Variants in CD86 observed in about 807,000 individuals in gnomAD.
The protein encoded by CD86 is CD86 molecule, also known as T-lymphocyte activation antigen CD86.
A neutral mutation model predicts 32.1 loss-of-function variants in CD86; 11 were observed. The ratio of observed to expected loss-of-function variants is 0.34; its 90% CI spans 0.22 to 0.57. The LOEUF (loss-of-function observed/expected upper bound fraction) is 0.57, where lower values mean the gene tolerates loss of function less well. CD86 is among the 20% of genes least tolerant of loss of function. The pLI is 0.86. For synonymous variants in CD86, 137 were observed against 135.3 expected, an observed-to-expected ratio of 1.01 and a Z score of -0.09; for missense variants, 359 against 398.4, an observed-to-expected ratio of 0.90 and a Z score of 0.84.
At position 122,106,431 on chromosome 3, in the gene CD86, A is replaced by T. The variant is rs1390783023; in HGVS notation, c.634A>T (p.Ser212Cys). The T allele has an allele frequency of 1.2e-6, 2 of 1,614,010 alleles. No individual in the cohort carries two copies. Among genetic ancestry groups the T allele is most frequent in the Non-Finnish European group, 1.7e-6 (2 of 1,179,982 alleles). ...SLSVSFPDVT[S>C]NMTIFCILET... ...GTCTGTTTCATTCCCTGATGTTACG[A>T]GCAATATGACCATCTTCTGTATTCT... Residue 212 changes from serine to cysteine, a missense_variant, in exon 4 of 7, where the codon AGC becomes TGC. Ser to Cys is a moderately radical substitution (Grantham distance 112). Coordinates refer to ENST00000330540, the MANE Select transcript of CD86 (RefSeq NM_175862.5).
intron 1 of CD86, among the ~76,000 whole-genome samples, chr3:122,072,950 G>C (rs1365243050): frequency 6.6e-6 from 1 of 151,850 alleles, no homozygotes; most frequent in East Asian, 1.9e-4. Flanking sequence ...TCTGCATATG[G>C]CTAGCCAGTT....
intron 1 of CD86, among the ~76,000 whole-genome samples, chr3:122,057,743 C>T (rs941842393): frequency 2.0e-5 from 3 of 152,110 alleles, no homozygotes; most frequent in African/African-American, 7.2e-5. Context: ...CTCTTGAATC[C>T]TCTTCAAAAT....
chr3:122,109,258 T>C lies in CD86; in HGVS notation c.704-7T>C, dbSNP rs760472154. The C allele has an allele frequency of 6.2e-7, 1 of 1,611,186 alleles. No homozygotes were observed. Among genetic ancestry groups the C allele is most frequent in the Admixed American group, 1.7e-5 (1 of 59,332 alleles). On this transcript the variant is annotated splice_polypyrimidine_tract_variant and splice_region_variant and intron_variant, in intron 4 of 6. Transcript: ENST00000330540. ...CTGGCTGATTGAAAATTTGTGGTCA[T>C]TTGTAGAGCTTGAGGACCCTCAGCC... is the stretch of plus-strand genomic sequence containing the variant.
intron 1 of CD86, chr3:122,077,891 T>C (rs1430600042): frequency 1.0e-6 from 1 of 985,384 alleles, no homozygotes; most frequent in East Asian, 1.1e-4. Context: ...TGGCATTATT[T>C]CTCTCTCTAC....
At chr3:122,088,972 C>G (rs186950474) in intron 1 of CD86, among the ~76,000 whole-genome samples, 85 of 152,274 alleles carry the variant, frequency 5.6e-4, no homozygotes, top group Admixed American at 3.4e-3. Context: ...GTAGTATGTA[C>G]ATACAGTGGA....
At chr3:122,069,561 C>T (rs981484299) in intron 1 of CD86, among the ~76,000 whole-genome samples, 3 of 152,134 alleles carry the variant, frequency 2.0e-5, no homozygotes, top group African/African-American at 7.2e-5. Context: ...GTAGTCTTGC[C>T]GCTAGACTGT....
chr3:122,111,644 C>G (rs971766075), intron 5 of CD86, among the ~76,000 whole-genome samples: 3 of 152,198 alleles, frequency 2.0e-5, no homozygotes, highest in African/African-American at 7.2e-5. Context: ...CTTCTAGAAG[C>G]TGGAAGTGGC....
intron 2 of CD86, 145 bp from the exon 3 acceptor site, chr3:122,103,367 G>A: frequency 1.6e-6 from 1 of 627,270 alleles, no homozygotes. Context: ...ATGCCAAGCA[G>A]ATGTGCACAG....
intron 2 of CD86, chr3:122,092,040 C>T (rs570996504): frequency 6.1e-6 from 1 of 164,026 alleles, no homozygotes; most frequent in South Asian, 1.9e-4. Flanking sequence ...TTCTGTCTTT[C>T]TCAGGCTCCT....
intron 5 of CD86, among the ~76,000 whole-genome samples, chr3:122,112,031 G>A (rs1454108539): frequency 1.3e-5 from 2 of 152,094 alleles, no homozygotes; most frequent in Non-Finnish European, 2.9e-5. Context: ...TTGTCAAATA[G>A]GGCAGATAAG....
intron 5 of CD86, among the ~76,000 whole-genome samples, chr3:122,111,010 GA>G (rs1435861313): frequency 6.6e-6 from 1 of 152,162 alleles, no homozygotes; most frequent in Non-Finnish European, 1.5e-5. Context: ...AGATAAAGAG[GA>G]TATGTGTGTT....
chr3:122,055,478 G>T lies in CD86; in HGVS notation c.-12G>T. 6.2e-7 allele frequency: 1 copy of T among 1,613,932 alleles called. No homozygotes were observed. The highest frequency in any genetic ancestry group is 8.5e-7 in the Non-Finnish European group (1 of 1,179,778). ...CATTTCCAGATATTAGGTCACAGCAGAAGCAGCCAAAATGGATCCCCAGTG... is the reference window on the plus strand; with the variant it reads ...CATTTCCAGATATTAGGTCACAGCATAAGCAGCCAAAATGGATCCCCAGTG... On this transcript the variant is annotated 5_prime_UTR_variant, in exon 1 of 7. Transcript: ENST00000330540.
At chr3:122,080,274 T>C (rs559124985) in intron 1 of CD86, among the ~76,000 whole-genome samples, 1 of 152,148 alleles carries the variant, frequency 6.6e-6, no homozygotes, top group South Asian at 2.1e-4. Flanking sequence ...CTTTGCATGA[T>C]CCTTACCTTT....
chr3:122,104,720 T>A (rs1398406467), intron 3 of CD86, among the ~76,000 whole-genome samples: 1 of 152,228 alleles, frequency 6.6e-6, no homozygotes, highest in African/African-American at 2.4e-5. Flanking sequence ...TAAGCCTGGC[T>A]TCTTTCGTTT....
chr3:122,107,833 A>G (rs763963611), intron 4 of CD86, among the ~76,000 whole-genome samples: 8 of 152,188 alleles, frequency 5.3e-5, no homozygotes, highest in Non-Finnish European at 8.8e-5. Context: ...AACTGGGCCA[A>G]TCTCATCTCC....
Position 122,055,391 on chromosome 3 carries a change from T to TA in CD86, c.-99_-98insA. The TA allele has an allele frequency of 8.2e-7, 1 of 1,216,696 alleles. No homozygotes were observed. Among genetic ancestry groups the TA allele is most frequent in the South Asian group, 1.2e-5 (1 of 81,690 alleles). 75.4% of individuals were successfully genotyped at this position (1,216,696 alleles called of 1,614,324 possible). A position where few individuals can be genotyped will look rare whatever the true frequency, so the allele number is the denominator to read the frequency against. On this transcript the variant is annotated 5_prime_UTR_variant, in exon 1 of 7. Coordinates refer to ENST00000330540, the MANE Select transcript of CD86 (RefSeq NM_175862.5). ...ATTGCCGAGGAAGGCTTGCACAGGGTGAAAGCTTTGCTTCTCTGCTGCTGT... is the reference window on the plus strand; with the variant it reads ...ATTGCCGAGGAAGGCTTGCACAGGGTAGAAAGCTTTGCTTCTCTGCTGCTGT...
At chr3:122,057,435 T>C (rs1198275386) in intron 1 of CD86, among the ~76,000 whole-genome samples, 1 of 152,208 alleles carries the variant, frequency 6.6e-6, no homozygotes, top group African/African-American at 2.4e-5. Flanking sequence ...TGTAGAACAA[T>C]TCATAATGTG....
At chr3:122,072,115 A>C (rs1199345467) in intron 1 of CD86, among the ~76,000 whole-genome samples, 2 of 149,986 alleles carry the variant, frequency 1.3e-5, no homozygotes, top group African/African-American at 4.9e-5. Flanking sequence ...ATATTTTCTT[A>C]ATCCAGTCTA....
intron 1 of CD86, among the ~76,000 whole-genome samples, chr3:122,076,415 T>C (rs749734740): frequency 4.6e-5 from 7 of 152,226 alleles, no homozygotes; most frequent in Non-Finnish European, 1.0e-4. Flanking sequence ...TGATCATATG[T>C]CACAATAAGA....
Sources: allele counts gnomAD v4.1 joint callset (sites outside exome capture counted in the v4.1 genomes callset), GRCh38; gene constraint gnomAD v4.1.1; transcripts MANE v1.5; gene names NCBI Gene and HGNC (gene_info 2026-07-23, HGNC 2026-07-21).